TGFB1: variants seen among roughly 807,000 people sequenced by gnomAD.
TGFB1 encodes transforming growth factor beta-1 proprotein.
TGFB1 carries 19 observed loss-of-function variants against 43.8 expected under a neutral mutation model. The observed-to-expected ratio is 0.43, with a 90% CI of 0.30 to 0.64. The LOEUF (loss-of-function observed/expected upper bound fraction) is 0.64. TGFB1 is among the 30% of genes least tolerant of loss of function. The pLI, the probability that TGFB1 is intolerant of heterozygous loss-of-function variation, is 0.11. For synonymous variants in TGFB1, 221 were observed against 236.3 expected (o/e 0.94, Z 0.60); for missense variants, 445 against 529.8 (o/e 0.84, Z 1.57).
intron 1 of TGFB1, among the ~76,000 whole-genome samples, chr19:41,350,449 C>T (rs749041636): frequency 6.6e-6 from 1 of 151,806 alleles, no homozygotes; most frequent in South Asian, 2.1e-4. Context: ...GGATTACAGG[C>T]GCCGCCCGCC....
intron 1 of TGFB1, among the ~76,000 whole-genome samples, chr19:41,349,767 A>G (rs945930071): frequency 6.6e-6 from 1 of 152,086 alleles, no homozygotes; most frequent in Non-Finnish European, 1.5e-5. Context: ...AAAAACAACA[A>G]CAACAAAAAA....
chr19:41,344,708 C>T, intron 3 of TGFB1, 39 bp downstream of exon 3: 1 of 1,590,880 alleles, frequency 6.3e-7, no homozygotes, highest in Non-Finnish European at 8.6e-7. Context: ...GGGTGGACCC[C>T]AGGGAGAAAC....
intron 2 of TGFB1, 119 bp from the exon 3 acceptor site, chr19:41,344,983 G>T: frequency 1.1e-6 from 1 of 929,058 alleles, no homozygotes; most frequent in Non-Finnish European, 1.7e-6. Flanking sequence ...AAGTTCCCAG[G>T]CACTACCCTC....
chr19:41,346,737 T>A (rs972671794), intron 2 of TGFB1, among the ~76,000 whole-genome samples: 1 of 152,188 alleles, frequency 6.6e-6, no homozygotes, highest in African/African-American at 2.4e-5. Context: ...TTCATTTTTA[T>A]TTTTTTGAGA....
Position 41,344,753 on chromosome 19 carries a change from G to A in TGFB1, c.628C>T (p.Arg210Cys), listed in dbSNP as rs779534698. 4 of 1,613,716 alleles carry A rather than the reference G, an allele frequency of 2.5e-6. No individual in the cohort carries two copies. Among genetic ancestry groups the A allele is most frequent in the Admixed American group, 3.3e-5 (2 of 59,984 alleles). The change falls in exon 3 of 7, where the codon CGT (arginine) becomes TGT (cysteine). Residue 210 changes from arginine (R) to cysteine (C), a missense_variant. Physicochemically the swap from Arg to Cys is radical, Grantham distance 180. Transcript: ENST00000221930. Reference sequence around the variant, plus strand: ...ACACACAAGTAATCCTCACCTCCACGGCTCAACCACTGCCGCACAACTCCG... The same window carrying A: ...ACACACAAGTAATCCTCACCTCCACAGCTCAACCACTGCCGCACAACTCCG... ...VTGVVRQWLSRGGEIEGFRLS... is the reference protein window; with the variant it reads ...VTGVVRQWLSCGGEIEGFRLS...
intron 5 of TGFB1, among the ~76,000 whole-genome samples, chr19:41,334,859 G>A (rs904128759): frequency 5.3e-5 from 8 of 150,984 alleles, no homozygotes; most frequent in African/African-American, 2.0e-4. Context: ...TCAGAGGTAG[G>A]AGCTACTAGA....
intron 5 of TGFB1, among the ~76,000 whole-genome samples, chr19:41,339,606 C>T (rs1049057930): frequency 3.9e-5 from 6 of 151,986 alleles, no homozygotes; most frequent in Admixed American, 6.6e-5. Context: ...GGGTGGATCA[C>T]GAGGTCAGGA....
chr19:41,344,263 G>T (rs949147796), intron 3 of TGFB1, among the ~76,000 whole-genome samples: 2 of 152,016 alleles, frequency 1.3e-5, no homozygotes, highest in Non-Finnish European at 2.9e-5. Flanking sequence ...GGGATTATAG[G>T]CATAAGCCAC....
In TGFB1 at chr19:41,345,190, C is replaced by T. The variant is rs528621268; in HGVS notation, c.517-326G>A. Among the ~76,000 whole-genome samples, 48 of 152,302 alleles carry T rather than the reference C, an allele frequency of 3.2e-4. 1 individual carries two copies. The highest frequency in any genetic ancestry group is 5.3e-4 in the Non-Finnish European group (36 of 68,012). ...CACTCAGCGTGGACAGCCCACAATG[C>T]TAAAATTCTGCTGCTAACATTCTGG... On this transcript the variant is annotated intron_variant, in intron 2 of 6. Coordinates refer to ENST00000221930, the MANE Select transcript of TGFB1 (RefSeq NM_000660.7).
At position 41,353,335 on chromosome 19, in the gene TGFB1, A is replaced by G. The variant is rs1599899635; in HGVS notation, c.-291T>C. 2.5e-6 allele frequency: 1 copy of G among 404,006 alleles called. No homozygotes were observed. Among genetic ancestry groups the G allele is most frequent in the East Asian group, 4.3e-5 (1 of 23,290 alleles). The allele number at this position is 404,006 out of a possible 1,614,324, so 25.0% of individuals were successfully genotyped here. A position where few individuals can be genotyped will look rare whatever the true frequency, so the allele number is the denominator to read the frequency against. On this transcript the variant is annotated 5_prime_UTR_variant, in exon 1 of 7. Transcript: ENST00000221930. The surrounding 1 kb of genome is among the most constrained non-coding windows in gnomAD (Gnocchi z 5.9). The stretch of plus-strand genomic sequence containing the variant: ...AGAGAGATCCGTCTCCTGGAGGAGA[A>G]AGGGTCTAGGATGCGCGGGGGCTCA...
chr19:41,341,526 C>CT (rs1293259794), intron 5 of TGFB1, among the ~76,000 whole-genome samples: 1 of 141,576 alleles, frequency 7.1e-6, no homozygotes, highest in African/African-American at 2.6e-5. Context: ...ACTCCCAGTT[C>CT]TTTTTTTGTT....
rs376017964 is a variant in TGFB1 at position 41,335,145 on chromosome 19, C to T, written c.861-2864G>A. Among the ~76,000 whole-genome samples, 13 of 151,754 alleles carry T rather than the reference C, an allele frequency of 8.6e-5. 1 individual carries two copies. In the East Asian group the frequency reaches 1.6e-3, roughly 18 times the overall value. On this transcript the variant is annotated intron_variant, in intron 5 of 6. Transcript: ENST00000221930. ...TCAGCTCACTGCAACCTCCGTCTCC[C>T]GGGTTCAAGCAATTCTCCTGCCTCA...
chr19:41,333,940 C>T (rs752235927), intron 5 of TGFB1, among the ~76,000 whole-genome samples: 6 of 152,208 alleles, frequency 3.9e-5, no homozygotes, highest in African/African-American at 7.2e-5. Context: ...TGAGAGTTTA[C>T]GGGCATTCAT....
At position 41,339,668 on chromosome 19, in the gene TGFB1, C is replaced by A. The variant is rs190797286; in HGVS notation, c.860+2215G>T. ...TGAAACCCAGTGTCTACTAAAAAAA[C>A]CAAAAATTAGCCGGGTGTGGTGGCA... On this transcript the variant is annotated intron_variant, in intron 5 of 6. Transcript: ENST00000221930. 7.1e-3 allele frequency among the ~76,000 whole-genome samples: 1,075 copies of A among 151,556 alleles called. 8 individuals carry two copies. Among genetic ancestry groups the A allele is most frequent in the African/African-American group, 0.022 (892 of 41,348 alleles).
chr19:41,341,817 A>T, intron 5 of TGFB1, 66 bp downstream of exon 5: 1 of 1,605,796 alleles, frequency 6.2e-7, no homozygotes, highest in Non-Finnish European at 8.5e-7. Context: ...AACCTGGAGC[A>T]CCTGGTCAGC....
chr19:41,337,741 C>T (rs751173754), intron 5 of TGFB1, among the ~76,000 whole-genome samples: 1 of 152,154 alleles, frequency 6.6e-6, no homozygotes, highest in African/African-American at 2.4e-5. Flanking sequence ...CACCTCTGCC[C>T]TGAGACAGCA....
chr19:41,335,520 C>T (rs2037979068), intron 5 of TGFB1, among the ~76,000 whole-genome samples: 1 of 152,202 alleles, frequency 6.6e-6, no homozygotes, highest in Non-Finnish European at 1.5e-5. Flanking sequence ...TCAGGTGGCA[C>T]CCCAGGCCAC....
At position 41,341,578 on chromosome 19, in the gene TGFB1, T is replaced by C. The variant is rs2038056590; in HGVS notation, c.860+305A>G. On this transcript the variant is annotated intron_variant, in intron 5 of 6. Coordinates refer to ENST00000221930, the MANE Select transcript of TGFB1 (RefSeq NM_000660.7). ...ATAGGCGCCCACCACGCCTGGCTAA[T>C]TTTTGGATTTTTAGTAGAGACGGGT... 2.0e-5 allele frequency among the ~76,000 whole-genome samples: 3 copies of C among 151,030 alleles called. No individual in the cohort carries two copies. The South Asian group carries it at 6.3e-4, about 32-fold the overall frequency.
At position 41,352,958 on chromosome 19, in the gene TGFB1, TC is replaced by T; in HGVS notation, c.86del (p.Gly29AspfsTer13). 1.3e-6 allele frequency: 2 copies of T among 1,548,604 alleles called. No homozygotes were observed. Among genetic ancestry groups the T allele is most frequent in the Non-Finnish European group, 8.7e-7 (1 of 1,149,904 alleles). ...TGTCGATAGTCTTGCAGGTGGATAG[TC>T]CCGCGGCCGGCCGGCCAGGCGTCAG... ...LVLTPGRPAA[G>X]LSTCKTIDME... is the part of the protein sequence containing the mutation. On this transcript the variant is annotated frameshift_variant, in exon 1 of 7. Coordinates refer to ENST00000221930, the MANE Select transcript of TGFB1 (RefSeq NM_000660.7). LOFTEE classifies it high-confidence loss of function.
Sources: gnomAD v4.1 joint callset for allele counts (sites outside exome capture counted in the v4.1 genomes callset) on GRCh38, gnomAD v4.1.1 for gene constraint, Gnocchi (gnomAD v3.1) non-coding constraint, MANE v1.5 for transcripts, NCBI Gene and HGNC (gene_info 2026-07-23, HGNC 2026-07-21) for gene names.